Variants in GRM1 observed in about 807,000 individuals in gnomAD.
GRM1 encodes metabotropic glutamate receptor 1.
In GRM1, 33 loss-of-function variants were observed where a neutral mutation model predicts 90.9. That is an observed-to-expected ratio of 0.36 (90% CI 0.28 to 0.49). GRM1 has a LOEUF of 0.49. Ranked by LOEUF, GRM1 falls within the 20% of genes least tolerant of loss-of-function variation. The pLI, the probability that GRM1 is intolerant of heterozygous loss-of-function variation, is 0.99. For synonymous variants in GRM1, 700 were observed against 613.2 expected (o/e 1.14, Z -2.09); for missense variants, 1,190 against 1,534.3 (o/e 0.78, Z 3.75).
At chr6:146,057,872 A>T (rs1445408345) in intron 1 of GRM1, among the ~76,000 whole-genome samples, 3 of 151,930 alleles carry the variant, frequency 2.0e-5, no homozygotes, top group Non-Finnish European at 4.4e-5. Context: ...TTTTTTAAGA[A>T]ATTTTTTATT....
intron 2 of GRM1, among the ~76,000 whole-genome samples, chr6:146,275,485 C>A (rs1306449770): frequency 2.0e-5 from 3 of 152,004 alleles, no homozygotes; most frequent in Admixed American, 6.6e-5. Flanking sequence ...AGTTTCCCCC[C>A]ACCCGGTGCC....
intron 2 of GRM1, among the ~76,000 whole-genome samples, chr6:146,203,060 G>A (rs988138578): frequency 2.2e-4 from 33 of 152,002 alleles, no homozygotes; most frequent in Admixed American, 2.0e-3. Flanking sequence ...CGGGCGTGGT[G>A]CCGGGCGCCT....
intron 1 of GRM1, among the ~76,000 whole-genome samples, chr6:146,084,852 C>A (rs1776488401): frequency 6.6e-6 from 1 of 152,068 alleles, no homozygotes; most frequent in Non-Finnish European, 1.5e-5. Context: ...AAGTCTCCCA[C>A]TATTATTGTG....
At chr6:146,327,664 C>G (rs939936838) in intron 3 of GRM1, among the ~76,000 whole-genome samples, 4 of 152,126 alleles carry the variant, frequency 2.6e-5, no homozygotes, top group African/African-American at 9.7e-5. Flanking sequence ...AGGCCTGAAG[C>G]TATGCAAGTT....
intron 2 of GRM1, among the ~76,000 whole-genome samples, chr6:146,199,488 C>G (rs566783394): frequency 7.2e-5 from 11 of 152,310 alleles, no homozygotes; most frequent in African/African-American, 2.6e-4. Flanking sequence ...AATTCAATTA[C>G]CCAGAGGTAA....
intron 7 of GRM1, among the ~76,000 whole-genome samples, chr6:146,401,662 T>G (rs1777164616): frequency 6.6e-6 from 1 of 152,198 alleles, no homozygotes; most frequent in South Asian, 2.1e-4. Flanking sequence ...TTTATTATGG[T>G]TCTTCAGAAG....
chr6:146,056,009 A>AT (rs1343960661), intron 1 of GRM1, among the ~76,000 whole-genome samples: 2 of 152,144 alleles, frequency 1.3e-5, no homozygotes, highest in Admixed American at 1.3e-4. Flanking sequence ...GTTAGTTAAC[A>AT]TATTTACTGT....
At chr6:146,372,728 A>G (rs753188165) in intron 5 of GRM1, among the ~76,000 whole-genome samples, 52 of 152,014 alleles carry the variant, frequency 3.4e-4, no homozygotes, top group Non-Finnish European at 6.9e-4. Context: ...TCTTTTTCCT[A>G]GTGTGTGTTA....
At chr6:146,164,135 C>T (rs1382612930) in intron 2 of GRM1, among the ~76,000 whole-genome samples, 1 of 151,888 alleles carries the variant, frequency 6.6e-6, no homozygotes, top group Non-Finnish European at 1.5e-5. Flanking sequence ...TGTATGAGCA[C>T]AAAAAATAGC....
intron 2 of GRM1, among the ~76,000 whole-genome samples, chr6:146,198,722 A>G (rs955585709): frequency 2.6e-5 from 4 of 152,174 alleles, no homozygotes; most frequent in African/African-American, 9.7e-5. Context: ...CAGACCTTAT[A>G]TTCAATTATC....
Position 146,331,979 on chromosome 6 carries a change from C to T in GRM1, c.1187-20271C>T, listed in dbSNP as rs1467637510. Among the ~76,000 whole-genome samples, 4 of 152,254 alleles carry T rather than the reference C, an allele frequency of 2.6e-5. No individual in the cohort carries two copies. In the East Asian group the frequency reaches 7.7e-4, roughly 29 times the overall value. On this transcript the variant is annotated intron_variant, in intron 3 of 7. Coordinates refer to ENST00000282753, the MANE Select transcript of GRM1 (RefSeq NM_001278064.2). The stretch of plus-strand genomic sequence containing the variant: ...TCACAGGACTAGTATGGAGACAGTA[C>T]ACTCTCCAGTTATCATTTGAGGGAT...
chr6:146,182,921 T>G (rs1778601283), intron 2 of GRM1, among the ~76,000 whole-genome samples: 2 of 152,240 alleles, frequency 1.3e-5, no homozygotes, highest in Non-Finnish European at 1.5e-5. Flanking sequence ...ATTTGTTCAA[T>G]TTGTCAGGTA....
Position 146,434,409 on chromosome 6 carries a change from C to CCCGCCCCCG in GRM1, c.3201_3209dup (p.Pro1070_Pro1072dup). 1 of 1,613,188 alleles carries CCCGCCCCCG rather than the reference C, an allele frequency of 6.2e-7. No homozygotes were observed. The highest frequency in any genetic ancestry group is 1.1e-5 in the South Asian group (1 of 91,056). On this transcript the variant is annotated inframe_insertion, in exon 8 of 8. Transcript: ENST00000282753. ...CCGGGAACGGGCTGCGGTCCCTGTA[C>CCCGCCCCCG]CCGCCCCCGCCACCTCCGCAGCACC...
chr6:146,409,770 T>G (rs2114620819), intron 7 of GRM1, among the ~76,000 whole-genome samples: 1 of 152,148 alleles, frequency 6.6e-6, no homozygotes, highest in Non-Finnish European at 1.5e-5. Flanking sequence ...TTCAACAGAG[T>G]AAGGGAAGCC....
At chr6:146,313,816 C>T (rs867489334) in intron 3 of GRM1, among the ~76,000 whole-genome samples, 1 of 152,198 alleles carries the variant, frequency 6.6e-6, no homozygotes, top group Admixed American at 6.5e-5. Context: ...CATATTGCTT[C>T]TCAAATTCCT....
At chr6:146,430,565 G>A (rs945282718) in intron 7 of GRM1, among the ~76,000 whole-genome samples, 1 of 152,188 alleles carries the variant, frequency 6.6e-6, no homozygotes, top group Non-Finnish European at 1.5e-5. Flanking sequence ...GGAAGAAGCT[G>A]GTGGCAGAAG....
intron 5 of GRM1, among the ~76,000 whole-genome samples, chr6:146,371,249 T>C (rs1428406824): frequency 2.0e-5 from 3 of 152,104 alleles, no homozygotes; most frequent in Admixed American, 2.0e-4. Flanking sequence ...TGAAGTGCTA[T>C]AGGGACACAG....
chr6:146,296,006 A>G (rs1487777691), intron 2 of GRM1, among the ~76,000 whole-genome samples: 1 of 152,190 alleles, frequency 6.6e-6, no homozygotes, highest in African/African-American at 2.4e-5. Context: ...TAGTTTGCTA[A>G]GGATAATGGC....
chr6:146,158,367 G>C (rs923783817), intron 1 of GRM1, among the ~76,000 whole-genome samples: 10 of 152,170 alleles, frequency 6.6e-5, no homozygotes, highest in African/African-American at 2.4e-4. Flanking sequence ...CTGCAGTAGA[G>C]GTAGTAGAAT....
Sources: allele counts gnomAD v4.1 joint callset (sites outside exome capture counted in the v4.1 genomes callset), GRCh38; gene constraint gnomAD v4.1.1; transcripts MANE v1.5; gene names NCBI Gene and HGNC (gene_info 2026-07-23, HGNC 2026-07-21).